CNTNAP2: variants seen among roughly 807,000 people sequenced by gnomAD.
CNTNAP2 encodes the protein contactin associated protein 2, also known as contactin-associated protein-like 2.
Under a neutral mutation model 155.2 loss-of-function variants are expected in CNTNAP2, and 98 were observed. That is an observed-to-expected ratio of 0.63 (90% CI 0.54 to 0.75). CNTNAP2 has a LOEUF of 0.75. Ranked by LOEUF, CNTNAP2 falls within the 30% of genes least tolerant of loss-of-function variation. The pLI, the probability that CNTNAP2 is intolerant of heterozygous loss-of-function variation, is 0.00. For synonymous variants in CNTNAP2, 651 were observed against 631.2 expected (o/e 1.03, Z -0.47); for missense variants, 1,727 against 1,688.1 (o/e 1.02, Z -0.40).
At chr7:146,826,941 A>C (rs561657920) in intron 2 of CNTNAP2, among the ~76,000 whole-genome samples, 175 of 151,792 alleles carry the variant, frequency 1.2e-3, no homozygotes, top group Admixed American at 1.9e-3. Flanking sequence ...GAATAAATAC[A>C]GTAACTGCTC....
chr7:147,142,382 A>G (rs978199526), intron 8 of CNTNAP2, among the ~76,000 whole-genome samples: 8 of 151,924 alleles, frequency 5.3e-5, no homozygotes, highest in African/African-American at 1.7e-4. Context: ...ATGTTTATTG[A>G]TTTTCTTATA....
At chr7:148,305,997 G>T (rs1247386193) in intron 21 of CNTNAP2, among the ~76,000 whole-genome samples, 1 of 151,856 alleles carries the variant, frequency 6.6e-6, no homozygotes, top group Non-Finnish European at 1.5e-5. Context: ...TCCTTCTGTA[G>T]CTTCCTGAGA....
At chr7:147,321,855 A>G (rs971558429) in intron 9 of CNTNAP2, among the ~76,000 whole-genome samples, 1 of 152,216 alleles carries the variant, frequency 6.6e-6, no homozygotes, top group Admixed American at 6.5e-5. Context: ...TTTGTCACAC[A>G]TAGCACCCTA....
chr7:147,104,440 A>T (rs1467748016), intron 4 of CNTNAP2, among the ~76,000 whole-genome samples: 1 of 151,916 alleles, frequency 6.6e-6, no homozygotes, highest in East Asian at 1.9e-4. Flanking sequence ...GATTCTTTAT[A>T]TGCAATTTAA....
chr7:147,448,884 C>A (rs867035806), intron 10 of CNTNAP2, among the ~76,000 whole-genome samples: 20 of 152,004 alleles, frequency 1.3e-4, no homozygotes, highest in African/African-American at 4.8e-4. Context: ...TGTTAATTTC[C>A]CCTATTGCTA....
chr7:147,531,990 G>T (rs1399283718), intron 11 of CNTNAP2, among the ~76,000 whole-genome samples: 2 of 151,836 alleles, frequency 1.3e-5, no homozygotes, highest in African/African-American at 4.8e-5. Context: ...TGTATTTTTA[G>T]TAGAGACAGG....
chr7:147,967,722 T>A (rs781613608), intron 14 of CNTNAP2, among the ~76,000 whole-genome samples: 38 of 152,214 alleles, frequency 2.5e-4, no homozygotes, highest in Non-Finnish European at 5.1e-4. Flanking sequence ...TCACACTGCA[T>A]ATCTACGTGA....
intron 1 of CNTNAP2, among the ~76,000 whole-genome samples, chr7:146,563,361 A>G (rs1020372043): frequency 1.3e-5 from 2 of 152,086 alleles, no homozygotes; most frequent in African/African-American, 2.4e-5. Context: ...CCATTACACT[A>G]TTGAACTATC....
chr7:146,843,215 T>A lies in CNTNAP2; in HGVS notation c.402+3311T>A, dbSNP rs1159480323. ...TTTTAGTAGAGACGGGGTTTCACCTTGTTAGCCAGGATGGTCTCGATCTCC... is the reference window on the plus strand; with the variant it reads ...TTTTAGTAGAGACGGGGTTTCACCTAGTTAGCCAGGATGGTCTCGATCTCC... On this transcript the variant is annotated intron_variant, in intron 3 of 23. Transcript: ENST00000361727. Among the ~76,000 whole-genome samples the A allele has an allele frequency of 1.5e-3, 188 of 126,318 alleles. 4 individuals carry two copies. Among genetic ancestry groups the A allele is most frequent in the African/African-American group, 5.5e-3 (167 of 30,368 alleles). The allele number at this position is 126,318 out of a possible 152,430, so 82.9% of individuals were successfully genotyped here.
At chr7:147,318,144 A>G (rs928022652) in intron 9 of CNTNAP2, among the ~76,000 whole-genome samples, 4 of 152,186 alleles carry the variant, frequency 2.6e-5, no homozygotes, top group African/African-American at 7.2e-5. Context: ...ATATTTCCAT[A>G]TAAAAATGTA....
chr7:147,481,846 ACT>A (rs1798428137), intron 10 of CNTNAP2, among the ~76,000 whole-genome samples: 1 of 152,186 alleles, frequency 6.6e-6, no homozygotes, highest in Admixed American at 6.5e-5. Context: ...TGTGAACCAA[ACT>A]TTCAAGCTAG....
intron 13 of CNTNAP2, among the ~76,000 whole-genome samples, chr7:147,866,955 G>T (rs1056286537): frequency 1.3e-5 from 2 of 152,060 alleles, no homozygotes; most frequent in Admixed American, 6.5e-5. Flanking sequence ...TACATTTAAG[G>T]TTAATATTGT....
intron 12 of CNTNAP2, among the ~76,000 whole-genome samples, chr7:147,601,961 A>C (rs547938566): frequency 6.6e-5 from 10 of 152,224 alleles, no homozygotes; most frequent in Admixed American, 5.2e-4. Flanking sequence ...AGTCTTGTTA[A>C]CTGATATCTT....
At chr7:146,376,516 A>T (rs1459182905) in intron 1 of CNTNAP2, among the ~76,000 whole-genome samples, 1 of 152,144 alleles carries the variant, frequency 6.6e-6, no homozygotes, top group African/African-American at 2.4e-5. Flanking sequence ...CTTTCTACCT[A>T]TCAAAACTTC....
chr7:147,257,278 A>C (rs1804353273), intron 8 of CNTNAP2, among the ~76,000 whole-genome samples: 1 of 152,214 alleles, frequency 6.6e-6, no homozygotes, highest in Admixed American at 6.5e-5. Context: ...TATTGATCAC[A>C]TTCAGAATCA....
At chr7:146,754,579 T>TCTCG (rs201786486) in intron 1 of CNTNAP2, among the ~76,000 whole-genome samples, 1 of 151,286 alleles carries the variant, frequency 6.6e-6, no homozygotes, top group Non-Finnish European at 1.5e-5. Context: ...TCTCTCTCTC[T>TCTCG]TTTTAACTGA....
intron 1 of CNTNAP2, among the ~76,000 whole-genome samples, chr7:146,494,148 C>T (rs1368895863): frequency 6.6e-6 from 1 of 152,068 alleles, no homozygotes; most frequent in Non-Finnish European, 1.5e-5. Flanking sequence ...TCCTGGCTAA[C>T]ACGGTGAAAC....
At chr7:147,623,467 C>A (rs1203131052) in intron 12 of CNTNAP2, among the ~76,000 whole-genome samples, 6 of 151,850 alleles carry the variant, frequency 4.0e-5, no homozygotes, top group African/African-American at 7.2e-5. Context: ...TAACAATGAG[C>A]AATCTGAAAC....
chr7:146,533,626 T>C (rs964156677), intron 1 of CNTNAP2, among the ~76,000 whole-genome samples: 4 of 152,166 alleles, frequency 2.6e-5, no homozygotes, highest in African/African-American at 9.6e-5. Flanking sequence ...ATATTCACTC[T>C]TGCTCCAGAG....
Sources: gnomAD v4.1 joint callset for allele counts (sites outside exome capture counted in the v4.1 genomes callset) on GRCh38, gnomAD v4.1.1 for gene constraint, MANE v1.5 for transcripts, NCBI Gene and HGNC (gene_info 2026-07-23, HGNC 2026-07-21) for gene names.